Variants in LIMCH1 observed in about 807,000 individuals in gnomAD.
LIMCH1 encodes the protein LIM and calponin homology domains-containing protein 1.
A neutral mutation model predicts 176.5 loss-of-function variants in LIMCH1; 113 were observed. The observed-to-expected ratio is 0.64, with a 90% CI of 0.55 to 0.75. The LOEUF (loss-of-function observed/expected upper bound fraction) is 0.75, where lower values mean the gene tolerates loss of function less well. Among genes scored for constraint, LIMCH1 ranks in the 30% least tolerant of loss-of-function variants. LIMCH1 has a pLI of 0.00. For synonymous variants in LIMCH1, 619 were observed against 645.9 expected, an observed-to-expected ratio of 0.96 and a Z score of 0.63; for missense variants, 1,674 against 1,814.9, an observed-to-expected ratio of 0.92 and a Z score of 1.41.
chr4:41,630,256 G>A (rs1380520149), intron 9 of LIMCH1, among the ~76,000 whole-genome samples: 1 of 152,072 alleles, frequency 6.6e-6, no homozygotes, highest in Non-Finnish European at 1.5e-5. Context: ...ATGAGCCACC[G>A]TGCAAGCCCC....
At chr4:41,455,847 ACT>A (rs758885925) in intron 1 of LIMCH1, among the ~76,000 whole-genome samples, 40 of 152,056 alleles carry the variant, frequency 2.6e-4, no homozygotes, top group Non-Finnish European at 3.1e-4. Flanking sequence ...TTAAAGAAAG[ACT>A]CTTCGACCTC....
intron 1 of LIMCH1, among the ~76,000 whole-genome samples, chr4:41,573,678 A>G (rs1427253560): frequency 6.6e-6 from 1 of 152,206 alleles, no homozygotes; most frequent in Non-Finnish European, 1.5e-5. Flanking sequence ...TCAACTTGTG[A>G]TGAGCAATAC....
At chr4:41,496,275 T>C (rs2072117081) in intron 2 of LIMCH1, among the ~76,000 whole-genome samples, 1 of 152,202 alleles carries the variant, frequency 6.6e-6, no homozygotes, top group Non-Finnish European at 1.5e-5. Flanking sequence ...AGGATGAAAT[T>C]GTCTAAGTCC....
intron 1 of LIMCH1, among the ~76,000 whole-genome samples, chr4:41,442,223 C>A (rs79963252): frequency 6.6e-6 from 1 of 152,062 alleles, no homozygotes; most frequent in African/African-American, 2.4e-5. Context: ...TCACTTGAGC[C>A]TGGGAGGTTG....
At chr4:41,500,615 T>G (rs567705738) in intron 2 of LIMCH1, among the ~76,000 whole-genome samples, 1 of 152,350 alleles carries the variant, frequency 6.6e-6, no homozygotes, top group African/African-American at 2.4e-5. Context: ...TATATTATTT[T>G]CCAATTCTTG....
At chr4:41,637,430 T>TCTG (rs1420792860) in intron 13 of LIMCH1, among the ~76,000 whole-genome samples, 3 of 152,306 alleles carry the variant, frequency 2.0e-5, no homozygotes, top group Admixed American at 2.0e-4. Flanking sequence ...GCTCAAGCAA[T>TCTG]CTGCCTGCCT....
intron 2 of LIMCH1, among the ~76,000 whole-genome samples, chr4:41,508,561 A>G (rs1465511946): frequency 1.3e-5 from 2 of 152,174 alleles, no homozygotes; most frequent in Non-Finnish European, 2.9e-5. Context: ...GCTATGAGAT[A>G]TGGAAGCCTC....
chr4:41,572,384 G>A (rs1252420761), intron 1 of LIMCH1, among the ~76,000 whole-genome samples: 1 of 152,004 alleles, frequency 6.6e-6, no homozygotes, highest in East Asian at 1.9e-4. Context: ...ACATTTTAGT[G>A]TCCAAGATTG....
chr4:41,400,568 G>GC (rs1461145927), intron 1 of LIMCH1, among the ~76,000 whole-genome samples: 1 of 152,126 alleles, frequency 6.6e-6, no homozygotes, highest in Admixed American at 6.6e-5. Flanking sequence ...GGAGAATGGA[G>GC]CCCTAATGCA....
At chr4:41,501,515 C>A (rs2073264216) in intron 2 of LIMCH1, among the ~76,000 whole-genome samples, 1 of 152,214 alleles carries the variant, frequency 6.6e-6, no homozygotes, top group Non-Finnish European at 1.5e-5. Flanking sequence ...CTAGTCGCCA[C>A]ATCAAAAGGA....
chr4:41,474,266 A>T (rs1272562556), intron 1 of LIMCH1, among the ~76,000 whole-genome samples: 1 of 152,120 alleles, frequency 6.6e-6, no homozygotes, highest in Non-Finnish European at 1.5e-5. Flanking sequence ...AGGCAGGTGG[A>T]TCACAAGGGC....
In LIMCH1 at chr4:41,676,422, G is replaced by A. The variant is rs139772704; in HGVS notation, c.3479G>A (p.Arg1160Gln). The A allele has an allele frequency of 9.3e-6, 15 of 1,613,922 alleles. No individual in the cohort carries two copies. The highest frequency in any genetic ancestry group is 1.3e-5 in the Non-Finnish European group (15 of 1,179,924). Residue 1160 changes from arginine (R) to glutamine (Q), a missense_variant, in exon 23 of 32, where the codon CGA becomes CAA. Arg to Gln is a conservative substitution (Grantham distance 43, BLOSUM62 1). This residue lies in a region of LIMCH1 where 1,015 missense variants were observed against 1,102.5 expected (regional missense o/e 0.92). Transcript: ENST00000503057. ...TGGGACCCAGAAGAGGAGCGCAGGC[G>A]ACAGGAAAAATGGCAACAGGAACAG... Reference protein sequence around the residue: ...WAWDPEEERRRQEKWQQEQER... With the variant: ...WAWDPEEERRQQEKWQQEQER...
At chr4:41,443,192 CTTTTTTTTT>C (rs916559501) in intron 1 of LIMCH1, among the ~76,000 whole-genome samples, 5 of 39,710 alleles carry the variant, frequency 1.3e-4, no homozygotes, top group African/African-American at 7.8e-4. Context: ...TGTTTTTTTT[CTTTTTTTTT>C]TTTTTTTTTT....
intron 1 of LIMCH1, among the ~76,000 whole-genome samples, chr4:41,550,365 T>C (rs2080226010): frequency 6.6e-6 from 1 of 151,944 alleles, no homozygotes; most frequent in Non-Finnish European, 1.5e-5. Context: ...TAGCTCATTT[T>C]ATTCTCCTAG....
chr4:41,578,529 C>A (rs919507007), intron 1 of LIMCH1, among the ~76,000 whole-genome samples: 1 of 152,142 alleles, frequency 6.6e-6, no homozygotes, highest in African/African-American at 2.4e-5. Flanking sequence ...CTGTCAACTT[C>A]TTTATATCTT....
chr4:41,673,046 A>G (rs1257758410), intron 22 of LIMCH1, among the ~76,000 whole-genome samples: 2 of 152,196 alleles, frequency 1.3e-5, no homozygotes, highest in African/African-American at 2.4e-5. Context: ...ACCATAGTCA[A>G]TATCAATTCT....
At position 41,626,701 on chromosome 4, in the gene LIMCH1, C is replaced by A. The variant is rs562832636; in HGVS notation, c.726-7C>A. On this transcript the variant is annotated splice_region_variant and splice_polypyrimidine_tract_variant and intron_variant, in intron 7 of 31. Transcript: ENST00000503057. ...ATGTGGAGTCCCATTTAATTTTCCCCTATCAGTCAAAAACAATTAAGTGAA... is the reference window on the plus strand; with the variant it reads ...ATGTGGAGTCCCATTTAATTTTCCCATATCAGTCAAAAACAATTAAGTGAA... 1.3e-6 allele frequency: 2 copies of A among 1,533,018 alleles called. No homozygotes were observed. The highest frequency in any genetic ancestry group is 2.7e-5 in the African/African-American group (2 of 73,028). 95.0% of individuals were successfully genotyped at this position (1,533,018 alleles called of 1,614,324 possible).
At chr4:41,361,909 T>G (rs916721866) in intron 1 of LIMCH1, among the ~76,000 whole-genome samples, 2 of 152,132 alleles carry the variant, frequency 1.3e-5, no homozygotes, top group East Asian at 3.9e-4. Flanking sequence ...AATTTGGCCT[T>G]GTTTCCCTCA....
intron 1 of LIMCH1, among the ~76,000 whole-genome samples, chr4:41,460,080 G>T (rs1413875215): frequency 1.3e-5 from 2 of 152,188 alleles, no homozygotes; most frequent in East Asian, 1.9e-4. Flanking sequence ...AAGCAGAGAG[G>T]GGGTGTGGGC....
Sources: allele counts gnomAD v4.1 joint callset (sites outside exome capture counted in the v4.1 genomes callset), GRCh38; gene constraint gnomAD v4.1.1; regional missense constraint gnomAD v4.1.1; transcripts MANE v1.5; gene names NCBI Gene and HGNC (gene_info 2026-07-23, HGNC 2026-07-21).